Variants in DENND4C observed in about 807,000 individuals in gnomAD.
DENND4C encodes DENN domain containing 4C.
A neutral mutation model predicts 203.0 loss-of-function variants in DENND4C; 108 were observed. The observed-to-expected ratio is 0.53, with a 90% CI of 0.46 to 0.62. The LOEUF (loss-of-function observed/expected upper bound fraction) is 0.62. Among genes scored for constraint, DENND4C ranks in the 20% least tolerant of loss-of-function variants. The probability of loss-of-function intolerance (pLI) is 0.00; values close to 1 mark genes in which losing one functional copy is unlikely to be tolerated. For synonymous variants in DENND4C, 871 were observed against 792.4 expected (o/e 1.10, Z -1.67); for missense variants, 2,481 against 2,301.2 (o/e 1.08, Z -1.60).
intron 5 of DENND4C, among the ~76,000 whole-genome samples, chr9:19,292,737 G>C (rs1836628219): frequency 6.6e-6 from 1 of 151,444 alleles, no homozygotes; most frequent in Admixed American, 6.6e-5. Flanking sequence ...GTTGAGATGG[G>C]GTTTCACCAT....
At chr9:19,263,362 A>G (rs7032921) in intron 1 of DENND4C, among the ~76,000 whole-genome samples, 115,622 of 151,968 alleles carry the variant, frequency 0.76, 44,089 homozygotes, top group Admixed American at 0.79. Flanking sequence ...TTGTTTGTTT[A>G]TTTGTTTTTT....
In DENND4C at chr9:19,316,682, C is replaced by T; in HGVS notation, c.1650C>T (p.Ser550=). The T allele has an allele frequency of 4.3e-6, 7 of 1,614,062 alleles. No individual in the cohort carries two copies. The highest frequency in any genetic ancestry group is 5.9e-6 in the Non-Finnish European group (7 of 1,179,984). The change falls in exon 12 of 33, where the codon TCC becomes TCT. Residue 550 remains serine (S), a synonymous_variant. Transcript: ENST00000434457. ...IDMTPIEADF[S]WQKKMTQLEM... is the part of the protein sequence containing the mutation. The stretch of plus-strand genomic sequence containing the variant: ...TGACTCCAATTGAAGCAGATTTCTC[C>T]TGGCAAAAGAAGATGACACAGCTTG...
intron 29 of DENND4C, among the ~76,000 whole-genome samples, chr9:19,361,508 G>T (rs186964712): frequency 6.6e-6 from 1 of 152,150 alleles, no homozygotes; most frequent in Non-Finnish European, 1.5e-5. Context: ...ATAAACTCTA[G>T]TTTGATTAGG....
At chr9:19,370,998 A>G (rs1828722689) in intron 31 of DENND4C, among the ~76,000 whole-genome samples, 1 of 152,236 alleles carries the variant, frequency 6.6e-6, no homozygotes, top group African/African-American at 2.4e-5. Context: ...AGTCTGTAAT[A>G]TGAGTAGCTT....
At chr9:19,321,137 C>T (rs187772100) in intron 12 of DENND4C, among the ~76,000 whole-genome samples, 11 of 152,252 alleles carry the variant, frequency 7.2e-5, no homozygotes, top group Admixed American at 7.2e-4. Flanking sequence ...TTTGAAAAGT[C>T]ACTCTTTGAA....
chr9:19,371,903 A>G (rs1397053406), intron 32 of DENND4C, 83 bp downstream of exon 32: 6 of 1,315,754 alleles, frequency 4.6e-6, no homozygotes, highest in Non-Finnish European at 4.2e-6. Flanking sequence ...GCTGGTATGT[A>G]TAAAAGATTT....
chr9:19,246,784 T>C (rs577173006), intron 1 of DENND4C, among the ~76,000 whole-genome samples: 2 of 152,318 alleles, frequency 1.3e-5, no homozygotes, highest in Admixed American at 6.5e-5. Flanking sequence ...GTATTATTTT[T>C]CCTGGCGAAT....
At chr9:19,345,559 A>G (rs1174326468) in intron 22 of DENND4C, among the ~76,000 whole-genome samples, 1 of 152,258 alleles carries the variant, frequency 6.6e-6, no homozygotes, top group Admixed American at 6.5e-5. Flanking sequence ...AGAGTAGATT[A>G]CTGGCAAGTA....
At chr9:19,368,947 C>T in intron 30 of DENND4C, among the ~76,000 whole-genome samples, 1 of 151,822 alleles carries the variant, frequency 6.6e-6, no homozygotes, top group East Asian at 1.9e-4. Context: ...AGGCTGAGTT[C>T]AAGACTAGTC....
intron 6 of DENND4C, among the ~76,000 whole-genome samples, 176 bp downstream of exon 6, chr9:19,296,422 T>A (rs979895171): frequency 1.3e-5 from 2 of 150,752 alleles, no homozygotes; most frequent in East Asian, 3.9e-4. Flanking sequence ...TGGAGTGCAG[T>A]GGTGTGATCT....
chr9:19,316,390 T>C lies in DENND4C; in HGVS notation c.1488-27T>C, dbSNP rs768278715. On this transcript the variant is annotated intron_variant, in intron 10 of 32. Transcript: ENST00000434457. The stretch of plus-strand genomic sequence containing the variant: ...TAAAAGCAGATTATGAATAACACAT[T>C]TTATGAATTTTGTTCTGATTTAATA... 3.2e-6 allele frequency: 5 copies of C among 1,570,902 alleles called. No individual in the cohort carries two copies. In the Admixed American group the frequency reaches 5.5e-5, roughly 17 times the overall value.
At chr9:19,234,031 C>A (rs1442281754) in intron 1 of DENND4C, among the ~76,000 whole-genome samples, 2 of 152,084 alleles carry the variant, frequency 1.3e-5, no homozygotes, top group Admixed American at 1.3e-4. Context: ...ATATTCTAAT[C>A]CTGTCTGTGC....
At chr9:19,336,233 C>T (rs1400116611) in intron 18 of DENND4C, 37 bp from the exon 19 acceptor site, 2 of 1,590,998 alleles carry the variant, frequency 1.3e-6, no homozygotes, top group South Asian at 2.3e-5. Flanking sequence ...TCAGATATTG[C>T]TAATGAACAT....
At chr9:19,291,738 A>G (rs1206432945) in intron 5 of DENND4C, among the ~76,000 whole-genome samples, 1 of 152,018 alleles carries the variant, frequency 6.6e-6, no homozygotes, top group African/African-American at 2.4e-5. Context: ...GAGATAAGAC[A>G]TACATGAAGG....
chr9:19,329,276 T>G (rs1023630121), intron 16 of DENND4C, among the ~76,000 whole-genome samples: 1 of 152,164 alleles, frequency 6.6e-6, no homozygotes, highest in South Asian at 2.1e-4. Context: ...GTCTACAAAT[T>G]TGTCTATTCT....
chr9:19,299,811 C>T (rs1400521575), intron 8 of DENND4C, among the ~76,000 whole-genome samples: 1 of 152,184 alleles, frequency 6.6e-6, no homozygotes, highest in Non-Finnish European at 1.5e-5. Flanking sequence ...GCTGTTTTCA[C>T]CCTTTCCCTT....
At chr9:19,232,914 C>T (rs1396398552) in intron 1 of DENND4C, among the ~76,000 whole-genome samples, 1 of 152,032 alleles carries the variant, frequency 6.6e-6, no homozygotes, top group Non-Finnish European at 1.5e-5. Flanking sequence ...AAGACCAAAA[C>T]ATCTCATATT....
intron 16 of DENND4C, among the ~76,000 whole-genome samples, chr9:19,331,350 A>G (rs541662177): frequency 4.1e-4 from 63 of 151,994 alleles, no homozygotes; most frequent in Non-Finnish European, 6.9e-4. Context: ...CCACAGGCAC[A>G]TGCCACCATG....
At chr9:19,261,511 C>CT (rs1421199393) in intron 1 of DENND4C, among the ~76,000 whole-genome samples, 6 of 147,888 alleles carry the variant, frequency 4.1e-5, no homozygotes, top group African/African-American at 1.0e-4. Context: ...TATCTTTTTC[C>CT]TTTTTTTTGG....
Sources: gnomAD v4.1 joint callset for allele counts (sites outside exome capture counted in the v4.1 genomes callset) on GRCh38, gnomAD v4.1.1 for gene constraint, MANE v1.5 for transcripts, NCBI Gene and HGNC (gene_info 2026-07-23, HGNC 2026-07-21) for gene names.